PIP5K1B: variants seen among roughly 807,000 people sequenced by gnomAD.
PIP5K1B encodes phosphatidylinositol-4-phosphate 5-kinase type 1 beta, also known as phosphatidylinositol 4-phosphate 5-kinase type-1 beta.
In PIP5K1B, 42 loss-of-function variants were observed where a neutral mutation model predicts 67.0. The ratio of observed to expected loss-of-function variants is 0.63; its 90% CI spans 0.49 to 0.81. The LOEUF is 0.81. Ranked by LOEUF, PIP5K1B falls within the 30% of genes least tolerant of loss-of-function variation. The pLI is 0.00. For synonymous variants in PIP5K1B, 214 were observed against 231.4 expected (o/e 0.92, Z 0.68); for missense variants, 459 against 646.3 (o/e 0.71, Z 3.14).
intron 2 of PIP5K1B, chr9:68,788,367 G>T: frequency 1.1e-6 from 1 of 933,874 alleles, no homozygotes; most frequent in Non-Finnish European, 1.6e-6. Flanking sequence ...TAAAGGGTTT[G>T]TACTTTTCTC....
At chr9:68,965,652 T>A (rs1287251859) in intron 14 of PIP5K1B, 2 of 152,152 alleles carry the variant, frequency 1.3e-5, no homozygotes, top group Non-Finnish European at 2.9e-5. Flanking sequence ...AATACAGGTA[T>A]GTATCCTTAT....
chr9:68,762,644 AAC>A (rs1259094231), intron 2 of PIP5K1B, among the ~76,000 whole-genome samples: 1 of 152,170 alleles, frequency 6.6e-6, no homozygotes, highest in Non-Finnish European at 1.5e-5. Context: ...CAACAGAACT[AAC>A]ACTTATCTTT....
intron 2 of PIP5K1B, chr9:68,783,923 TATTA>T (rs61515628): frequency 0.31 from 52,396 of 166,828 alleles, 8,384 homozygotes; most frequent in East Asian, 0.38. Flanking sequence ...TGCCAAAATG[TATTA>T]ATTCTGGGCT....
chr9:68,751,074 T>C (rs1022286499), intron 2 of PIP5K1B, among the ~76,000 whole-genome samples: 6 of 152,220 alleles, frequency 3.9e-5, no homozygotes, highest in African/African-American at 1.4e-4. Context: ...GGGATCATTA[T>C]TGGCAATGCG....
chr9:68,881,667 T>A (rs920288302), intron 6 of PIP5K1B, among the ~76,000 whole-genome samples: 3 of 152,240 alleles, frequency 2.0e-5, no homozygotes, highest in Non-Finnish European at 2.9e-5. Context: ...ATTACAAGTT[T>A]CATGTTGAAA....
At chr9:68,940,929 A>G (rs1827529151) in intron 14 of PIP5K1B, 139 bp downstream of exon 14, 3 of 817,184 alleles carry the variant, frequency 3.7e-6, no homozygotes, top group Non-Finnish European at 6.2e-6. Context: ...GAGAGAGAAC[A>G]TGCTTGATTT....
intron 4 of PIP5K1B, among the ~76,000 whole-genome samples, chr9:68,860,990 A>G (rs1332576265): frequency 1.3e-5 from 2 of 152,236 alleles, no homozygotes; most frequent in Non-Finnish European, 2.9e-5. Flanking sequence ...CACTTAGAAC[A>G]GTGCCTGCCA....
chr9:68,729,362 T>G (rs4745227), intron 1 of PIP5K1B, among the ~76,000 whole-genome samples: 2 of 151,860 alleles, frequency 1.3e-5, no homozygotes, highest in South Asian at 4.1e-4. Flanking sequence ...AAACTCTTGC[T>G]TTCTGTTACC....
At chr9:68,854,396 C>T (rs1168629646) in intron 4 of PIP5K1B, among the ~76,000 whole-genome samples, 1 of 152,206 alleles carries the variant, frequency 6.6e-6, no homozygotes, top group East Asian at 1.9e-4. Context: ...TCTCAAAATG[C>T]TGGAATTACA....
At chr9:68,854,046 T>C (rs1430525727) in intron 4 of PIP5K1B, among the ~76,000 whole-genome samples, 2 of 151,058 alleles carry the variant, frequency 1.3e-5, no homozygotes, top group African/African-American at 4.9e-5. Context: ...ATTATTATTA[T>C]TATTATTAAG....
intron 7 of PIP5K1B, among the ~76,000 whole-genome samples, chr9:68,893,170 A>C (rs1404396368): frequency 1.3e-5 from 2 of 152,176 alleles, no homozygotes; most frequent in Non-Finnish European, 2.9e-5. Context: ...TTCTGGAATG[A>C]AATAAAGTGA....
At chr9:68,779,992 G>A in intron 2 of PIP5K1B, 2 of 835,504 alleles carry the variant, frequency 2.4e-6, no homozygotes, top group Admixed American at 3.8e-5. Context: ...GCATTAAGCA[G>A]GCGCCGCGAG....
intron 5 of PIP5K1B, among the ~76,000 whole-genome samples, chr9:68,871,089 A>G (rs1427332562): frequency 1.3e-5 from 2 of 152,160 alleles, no homozygotes; most frequent in African/African-American, 2.4e-5. Context: ...AACCCCATAA[A>G]CAAAGCTGTG....
At chr9:68,867,698 A>G (rs1823429819) in intron 5 of PIP5K1B, among the ~76,000 whole-genome samples, 1 of 152,208 alleles carries the variant, frequency 6.6e-6, no homozygotes, top group Non-Finnish European at 1.5e-5. Context: ...CTTGTATGTC[A>G]ATTAAACTTC....
At chr9:68,792,454 G>GT in intron 2 of PIP5K1B, among the ~76,000 whole-genome samples, 1 of 118,290 alleles carries the variant, frequency 8.5e-6, no homozygotes, top group East Asian at 2.9e-4. Context: ...TGGCACATGT[G>GT]TTTTTTTGTT....
intron 14 of PIP5K1B, among the ~76,000 whole-genome samples, chr9:68,950,658 A>G (rs1828020973): frequency 6.6e-6 from 1 of 152,080 alleles, no homozygotes; most frequent in Non-Finnish European, 1.5e-5. Context: ...TGTCTCCTCC[A>G]CCCAGAGGTC....
chr9:68,937,758 C>G (rs1234364881), intron 13 of PIP5K1B, among the ~76,000 whole-genome samples: 3 of 152,118 alleles, frequency 2.0e-5, no homozygotes, highest in African/African-American at 4.8e-5. Flanking sequence ...ATAAATTTCC[C>G]TCTACACACT....
chr9:68,932,002 T>C (rs1220666392), intron 12 of PIP5K1B, among the ~76,000 whole-genome samples: 3 of 152,224 alleles, frequency 2.0e-5, no homozygotes, highest in Non-Finnish European at 4.4e-5. Flanking sequence ...GTGAACTCTT[T>C]GTTGTGGTGC....
chr9:68,922,620 C>G (rs911356384), intron 11 of PIP5K1B, among the ~76,000 whole-genome samples: 2 of 152,182 alleles, frequency 1.3e-5, no homozygotes, highest in Non-Finnish European at 2.9e-5. Context: ...CATCCACCTC[C>G]TTTCCCTTCA....
Sources: allele counts gnomAD v4.1 joint callset (sites outside exome capture counted in the v4.1 genomes callset), GRCh38; gene constraint gnomAD v4.1.1; transcripts MANE v1.5; gene names NCBI Gene and HGNC (gene_info 2026-07-23, HGNC 2026-07-21).